The following AK8 variants were observed in gnomAD, a reference collection of about 807,000 sequenced individuals.
AK8 encodes the protein adenylate kinase 8.
In AK8, 44 loss-of-function variants were observed where a neutral mutation model predicts 54.6. The ratio of observed to expected loss-of-function variants is 0.81; its 90% CI spans 0.63 to 1.04. AK8 has a LOEUF of 1.04. Ranked by LOEUF, AK8 falls within the 50% of genes least tolerant of loss-of-function variation. The pLI is 0.00. For synonymous variants in AK8, 239 were observed against 245.6 expected (o/e 0.97, Z 0.25); for missense variants, 555 against 613.6 (o/e 0.90, Z 1.01).
At chr9:132,816,161 C>T (rs1159506495) in intron 9 of AK8, among the ~76,000 whole-genome samples, 1 of 152,062 alleles carries the variant, frequency 6.6e-6, no homozygotes, top group African/African-American at 2.4e-5. Flanking sequence ...TGAAACCAGC[C>T]TGGCCAATAT....
chr9:132,854,912 G>A lies in AK8; in HGVS notation c.347C>T (p.Ala116Val), dbSNP rs547319863. 6.7e-5 allele frequency: 108 copies of A among 1,613,900 alleles called. No individual in the cohort carries two copies. Among genetic ancestry groups the A allele is most frequent in the Admixed American group, 2.2e-4 (13 of 59,984 alleles). The change falls in exon 5 of 13, where the codon GCG (alanine) becomes GTG (valine). Residue 116 changes from alanine (A) to valine (V), a missense_variant. Physicochemically the swap from Ala to Val is moderately conservative, Grantham distance 64 (BLOSUM62 0). Transcript: ENST00000298545. ...TTCCTGAATCAGCTGGACGAGCAGC[G>A]CGCTGGGAACTGTCTGAAGGAAAAA... ...LYLQRKTVPS[A>V]LLVQLIQERL...
At chr9:132,785,461 G>T (rs1320408025) in intron 11 of AK8, among the ~76,000 whole-genome samples, 1 of 152,176 alleles carries the variant, frequency 6.6e-6, no homozygotes, top group African/African-American at 2.4e-5. Context: ...AACAAACTGA[G>T]AAATAAGGTT....
At chr9:132,809,033 T>G (rs953165944) in intron 10 of AK8, among the ~76,000 whole-genome samples, 55 of 152,346 alleles carry the variant, frequency 3.6e-4, no homozygotes, top group African/African-American at 1.2e-3. Flanking sequence ...CTCTGCCCCA[T>G]GGCGATGAGG....
chr9:132,866,905 A>G lies in AK8; in HGVS notation c.218T>C (p.Ile73Thr), dbSNP rs1564447122. Reference sequence around the variant, plus strand: ...CAACACTTAATATGATACACTTACTATTGTTGTTTTCCCTGAGGCGGGTGG... The same window carrying G: ...CAACACTTAATATGATACACTTACTGTTGTTGTTTTCCCTGAGGCGGGTGG... ...LGPPASGKTTIAMWLCKHLNS... is the reference protein window; with the variant it reads ...LGPPASGKTTTAMWLCKHLNS... The change falls in exon 3 of 13, where the codon ATA becomes ACA. Residue 73 changes from isoleucine (I) to threonine (T), a missense_variant and splice_region_variant. Coordinates refer to ENST00000298545, the MANE Select transcript of AK8 (RefSeq NM_152572.3). 6.2e-7 allele frequency: 1 copy of G among 1,613,794 alleles called. No individual in the cohort carries two copies. Among genetic ancestry groups the G allele is most frequent in the Non-Finnish European group, 8.5e-7 (1 of 1,179,722 alleles).
chr9:132,750,050 C>T (rs1042979734), intron 11 of AK8, among the ~76,000 whole-genome samples: 9 of 150,132 alleles, frequency 6.0e-5, no homozygotes, highest in East Asian at 4.0e-4. Flanking sequence ...GCCATGTGTA[C>T]GCATCTTGGG....
rs753582082 is a variant in AK8 at position 132,814,744 on chromosome 9, C to G, written c.890-17G>C. On this transcript the variant is annotated splice_polypyrimidine_tract_variant and intron_variant, in intron 9 of 12. Transcript: ENST00000298545. Reference sequence around the variant, plus strand: ...CACAGCAGACTGAAGGAGAGGGGAACAGAAAGACACCCATTAAATTTTAAA... The same window carrying G: ...CACAGCAGACTGAAGGAGAGGGGAAGAGAAAGACACCCATTAAATTTTAAA... The G allele has an allele frequency of 3.1e-6, 5 of 1,599,392 alleles. No individual in the cohort carries two copies. In the South Asian group the frequency reaches 5.6e-5, roughly 18 times the overall value.
chr9:132,763,103 C>G (rs1418697139), intron 11 of AK8, among the ~76,000 whole-genome samples: 1 of 152,212 alleles, frequency 6.6e-6, no homozygotes, highest in African/African-American at 2.4e-5. Context: ...CAGCTGTGCT[C>G]CCCTAGAGAA....
intron 11 of AK8, among the ~76,000 whole-genome samples, chr9:132,779,300 G>A (rs1171548555): frequency 6.6e-6 from 1 of 152,226 alleles, no homozygotes; most frequent in African/African-American, 2.4e-5. Flanking sequence ...TTTGGGGGCT[G>A]TGTGTGCTTT....
intron 10 of AK8, among the ~76,000 whole-genome samples, chr9:132,794,929 C>T (rs1564404754): frequency 2.0e-5 from 3 of 152,162 alleles, no homozygotes. Context: ...CGGCTCACAC[C>T]GCATTTACGA....
chr9:132,795,500 G>C (rs1588139176), intron 10 of AK8, among the ~76,000 whole-genome samples: 1 of 152,204 alleles, frequency 6.6e-6, no homozygotes, highest in East Asian at 1.9e-4. Context: ...AAACAATGTA[G>C]GGTAAGAATC....
intron 2 of AK8, among the ~76,000 whole-genome samples, chr9:132,873,005 G>T (rs1266013585): frequency 1.3e-5 from 2 of 152,010 alleles, no homozygotes; most frequent in Non-Finnish European, 2.9e-5. Flanking sequence ...AGTAGAGATG[G>T]GATTTCACCA....
In AK8 at chr9:132,725,916, G is replaced by C. The variant is rs894004339; in HGVS notation, c.1212C>G (p.Leu404=). 1.9e-6 allele frequency: 3 copies of C among 1,611,282 alleles called. No individual in the cohort carries two copies. Among genetic ancestry groups the C allele is most frequent in the African/African-American group, 1.3e-5 (1 of 74,982 alleles). ...CCATGGTGGGAGGTGGCTTGTACAT[G>C]AGGTGGTACCTGCAAGGGAGGAAGG... The part of the protein sequence containing the change: ...IDPVTGERYH[L]MYKPPPTMEI... The change falls in exon 13 of 13, where the codon CTC becomes CTG. Residue 404 remains leucine (L), a synonymous_variant. Transcript: ENST00000298545.
chr9:132,803,786 CCT>C lies in AK8; in HGVS notation c.979+10850_979+10851del, dbSNP rs1312988837. On this transcript the variant is annotated intron_variant, in intron 10 of 12. Transcript: ENST00000298545. The surrounding 1 kb of genome is among the most constrained non-coding windows in gnomAD (Gnocchi z 4.4). ...AAATCCTTCAGGCTGCATGCTGCCCCCTGTGACCTGTCTCCTCTTTGTTCCTT... is the reference window on the plus strand; with the variant it reads ...AAATCCTTCAGGCTGCATGCTGCCCCGTGACCTGTCTCCTCTTTGTTCCTT... Among the ~76,000 whole-genome samples the C allele has an allele frequency of 2.0e-5, 3 of 152,100 alleles. No individual in the cohort carries two copies. The highest frequency in any genetic ancestry group is 4.4e-5 in the Non-Finnish European group (3 of 68,014).
rs573597237 is a variant in AK8, at chr9:132,803,521, C to T, written c.980-10746G>A. The stretch of plus-strand genomic sequence containing the variant: ...AGTAATCAGTGATTACAACCAGTGA[C>T]CATAGTAAGTAATTAGTGAATTACA... On this transcript the variant is annotated intron_variant, in intron 10 of 12. Transcript: ENST00000298545. The surrounding 1 kb of genome is among the most constrained non-coding windows in gnomAD (Gnocchi z 4.4). Among the ~76,000 whole-genome samples, 15 of 152,204 alleles carry T rather than the reference C, an allele frequency of 9.9e-5. No homozygotes were observed. The highest frequency in any genetic ancestry group is 2.4e-4 in the African/African-American group (10 of 41,530).
chr9:132,789,100 C>T (rs1588131999), intron 11 of AK8, among the ~76,000 whole-genome samples: 1 of 151,802 alleles, frequency 6.6e-6, no homozygotes, highest in African/African-American at 2.4e-5. Context: ...TCGAGACCAT[C>T]CTGGCTAACA....
intron 7 of AK8, 63 bp downstream of exon 7, chr9:132,827,950 G>T: frequency 6.7e-7 from 1 of 1,489,034 alleles, no homozygotes; most frequent in Non-Finnish European, 9.1e-7. Context: ...AATGGTAGAC[G>T]GGCTGTCATC....
At chr9:132,805,664 A>C (rs1190661061) in intron 10 of AK8, among the ~76,000 whole-genome samples, 1 of 152,158 alleles carries the variant, frequency 6.6e-6, no homozygotes, top group Non-Finnish European at 1.5e-5. Flanking sequence ...CGGGGGCACA[A>C]ACCTGTTGAT....
At position 132,726,361 on chromosome 9, in the gene AK8, C is replaced by T. The variant is rs189292148; in HGVS notation, c.1203-436G>A. Among the ~76,000 whole-genome samples, 13 of 151,610 alleles carry T rather than the reference C, an allele frequency of 8.6e-5. No homozygotes were observed. The East Asian group carries it at 2.1e-3, about 25-fold the overall frequency. ...ACAGGGTCTCACTCTCTTGCCCAGG[C>T]TGGAGTGCAGTGGCGCGATCTTCGC... On this transcript the variant is annotated intron_variant, in intron 12 of 12. Coordinates refer to ENST00000298545, the MANE Select transcript of AK8 (RefSeq NM_152572.3).
intron 10 of AK8, among the ~76,000 whole-genome samples, chr9:132,805,200 C>A (rs935347831): frequency 2.6e-5 from 4 of 152,216 alleles, no homozygotes; most frequent in African/African-American, 9.6e-5. Context: ...GAGAGGGAAA[C>A]GCTTCTAGAA....
Sources: allele counts gnomAD v4.1 joint callset (sites outside exome capture counted in the v4.1 genomes callset), GRCh38; gene constraint gnomAD v4.1.1; non-coding constraint Gnocchi (gnomAD v3.1); transcripts MANE v1.5; gene names NCBI Gene and HGNC (gene_info 2026-07-23, HGNC 2026-07-21).